The following AXDND1 variants were observed in gnomAD, a reference collection of about 807,000 sequenced individuals.
AXDND1 encodes the protein axonemal dynein light chain domain-containing protein 1.
AXDND1 carries 110 observed loss-of-function variants against 137.5 expected under a neutral mutation model. The ratio of observed to expected loss-of-function variants is 0.80; its 90% CI spans 0.69 to 0.94. The LOEUF (loss-of-function observed/expected upper bound fraction) is 0.94, where lower values mean the gene tolerates loss of function less well. Among genes scored for constraint, AXDND1 ranks in the 40% least tolerant of loss-of-function variants. The pLI is 0.00. For missense variants in AXDND1, 1,191 were observed against 1,169.8 expected (o/e 1.02, Z -0.26); for synonymous variants, 414 against 399.7 (o/e 1.04, Z -0.43).
intron 16 of AXDND1, among the ~76,000 whole-genome samples, chr1:179,460,199 C>T (rs545183544): frequency 2.6e-5 from 4 of 151,946 alleles, no homozygotes; most frequent in South Asian, 2.1e-4. Context: ...CACCTCCCCC[C>T]ACCCCACGAC....
chr1:179,455,004 G>A (rs1661094645), intron 16 of AXDND1: 1 of 151,994 alleles, frequency 6.6e-6, no homozygotes, highest in Admixed American at 6.6e-5. Context: ...GCTGAGGCAG[G>A]AGAATGGCGT....
intron 25 of AXDND1, among the ~76,000 whole-genome samples, chr1:179,537,313 C>G (rs1020723523): frequency 6.6e-6 from 1 of 152,132 alleles, no homozygotes; most frequent in East Asian, 1.9e-4. Context: ...TTTTGCCCAT[C>G]CAGTATGATA....
intron 6 of AXDND1, among the ~76,000 whole-genome samples, chr1:179,382,120 C>T (rs1648455826): frequency 6.6e-6 from 1 of 151,610 alleles, no homozygotes; most frequent in African/African-American, 2.4e-5. Flanking sequence ...CTCGCTCTGT[C>T]ATGGGTGGAG....
At chr1:179,470,818 G>T (rs1158142827) in intron 17 of AXDND1, among the ~76,000 whole-genome samples, 1 of 152,086 alleles carries the variant, frequency 6.6e-6, no homozygotes, top group African/African-American at 2.4e-5. Context: ...AATGGAAGAT[G>T]TTGTTCCTAT....
intron 17 of AXDND1, among the ~76,000 whole-genome samples, chr1:179,482,104 T>TTTC (rs1665477669): frequency 2.5e-5 from 1 of 40,530 alleles, no homozygotes; most frequent in Non-Finnish European, 6.2e-5. Context: ...TTTAATTTTT[T>TTTC]TTTTTTTTTT....
intron 15 of AXDND1, among the ~76,000 whole-genome samples, chr1:179,435,017 C>T (rs12730909): frequency 0.29 from 44,620 of 151,890 alleles, 6,774 homozygotes; most frequent in Non-Finnish European, 0.31. Flanking sequence ...AATCAACGTG[C>T]AAAAATCACA....
intron 25 of AXDND1, chr1:179,551,116 A>G: frequency 6.2e-7 from 1 of 1,606,472 alleles, no homozygotes; most frequent in East Asian, 2.2e-5. Flanking sequence ...TGTCTCCCTC[A>G]GGCATGTGAC....
At chr1:179,526,041 A>G (rs947183007) in intron 22 of AXDND1, among the ~76,000 whole-genome samples, 1 of 151,980 alleles carries the variant, frequency 6.6e-6, no homozygotes, top group African/African-American at 2.4e-5. Context: ...CCTATTAACT[A>G]CACAATCTAC....
chr1:179,546,780 G>C (rs1272006114), intron 25 of AXDND1, among the ~76,000 whole-genome samples: 1 of 152,122 alleles, frequency 6.6e-6, no homozygotes, highest in African/African-American at 2.4e-5. Flanking sequence ...AGAAAGCTTA[G>C]TGGACAGTCC....
intron 9 of AXDND1, among the ~76,000 whole-genome samples, chr1:179,387,822 C>T (rs1649475737): frequency 6.6e-6 from 1 of 152,166 alleles, no homozygotes; most frequent in Admixed American, 6.5e-5. Context: ...TACTTCTATG[C>T]GAGTTCTGGC....
chr1:179,406,798 A>G (rs534146204), intron 11 of AXDND1, among the ~76,000 whole-genome samples: 3 of 152,258 alleles, frequency 2.0e-5, no homozygotes, highest in African/African-American at 7.2e-5. Context: ...TTGCATTTTT[A>G]TATCCATTCA....
intron 11 of AXDND1, 60 bp from the exon 12 acceptor site, chr1:179,411,084 AAT>A (rs569226231): frequency 7.5e-5 from 99 of 1,323,704 alleles, no homozygotes; most frequent in Admixed American, 5.5e-4. Context: ...TTTTTTAAAA[AAT>A]ATATGTGTCT....
intron 8 of AXDND1, among the ~76,000 whole-genome samples, chr1:179,384,104 G>T (rs373017871): frequency 6.6e-6 from 1 of 151,962 alleles, no homozygotes; most frequent in East Asian, 1.9e-4. Flanking sequence ...CTTTATCAGG[G>T]CTATTTCTTT....
chr1:179,535,692 A>G (rs1177455758), intron 25 of AXDND1, among the ~76,000 whole-genome samples: 1 of 152,182 alleles, frequency 6.6e-6, no homozygotes, highest in South Asian at 2.1e-4. Flanking sequence ...ATACGTGTAC[A>G]TGTGTCTTTA....
chr1:179,544,158 G>A (rs1672427618), intron 25 of AXDND1: 1 of 152,414 alleles, frequency 6.6e-6, no homozygotes, highest in African/African-American at 2.4e-5. Flanking sequence ...CAACGCAAGA[G>A]CATTTTCTCT....
intron 12 of AXDND1, among the ~76,000 whole-genome samples, chr1:179,424,140 C>T (rs72719208): frequency 0.087 from 13,250 of 151,564 alleles, 766 homozygotes; most frequent in South Asian, 0.17. Flanking sequence ...GGGTTTTGTT[C>T]GTTTGTTTGT....
At chr1:179,471,887 A>ATTTTCTTTTT (rs1454596618) in intron 17 of AXDND1, among the ~76,000 whole-genome samples, 1 of 148,858 alleles carries the variant, frequency 6.7e-6, no homozygotes, top group Non-Finnish European at 1.5e-5. Context: ...TTGTGTCTTC[A>ATTTTCTTTTT]TTTTCTTTTT....
chr1:179,478,322 C>T (rs979845827), intron 17 of AXDND1, among the ~76,000 whole-genome samples: 6 of 152,230 alleles, frequency 3.9e-5, no homozygotes, highest in African/African-American at 1.4e-4. Context: ...ATTAGCACCC[C>T]ACTCCTGCAG....
chr1:179,395,154 C>T lies in AXDND1; in HGVS notation c.1061C>T (p.Ala354Val), dbSNP rs375180681. ...AAATTAACAAAGGAAACAGAAAAAG[C>T]CCACAAGGATTTGGCACAAGCTCTT... ...DVKLTKETEK[A>V]HKDLAQALLN... Residue 354 changes from alanine (A) to valine (V), a missense_variant, in exon 11 of 26, where the codon GCC becomes GTC. Transcript: ENST00000367618. 2.5e-6 allele frequency: 4 copies of T among 1,613,226 alleles called. No homozygotes were observed. In the African/African-American group the frequency reaches 4.0e-5, roughly 16 times the overall value.
Sources: allele counts gnomAD v4.1 joint callset (sites outside exome capture counted in the v4.1 genomes callset), GRCh38; gene constraint gnomAD v4.1.1; transcripts MANE v1.5; gene names NCBI Gene and HGNC (gene_info 2026-07-23, HGNC 2026-07-21).